CCDC30: variants seen among roughly 807,000 people sequenced by gnomAD.
CCDC30 encodes the protein coiled-coil domain-containing protein 30.
A neutral mutation model predicts 100.2 loss-of-function variants in CCDC30; 70 were observed. The ratio of observed to expected loss-of-function variants is 0.70; its 90% CI spans 0.58 to 0.85. The LOEUF is 0.85. Ranked by LOEUF, CCDC30 falls within the 40% of genes least tolerant of loss-of-function variation. CCDC30 has a pLI of 0.00. For synonymous variants in CCDC30, 233 were observed against 269.5 expected, an observed-to-expected ratio of 0.86 and a Z score of 1.33; for missense variants, 652 against 771.2, an observed-to-expected ratio of 0.85 and a Z score of 1.83.
chr1:42,546,402 ATATAT>A (rs1645140578), intron 6 of CCDC30, among the ~76,000 whole-genome samples: 2 of 25,772 alleles, frequency 7.8e-5, no homozygotes, highest in African/African-American at 2.1e-4. Flanking sequence ...AAAAAAAAAT[ATATAT>A]ATATATATAT....
intron 6 of CCDC30, among the ~76,000 whole-genome samples, chr1:42,556,692 T>G (rs1645377752): frequency 6.6e-6 from 1 of 152,154 alleles, no homozygotes; most frequent in Non-Finnish European, 1.5e-5. Flanking sequence ...GTGAGCAATA[T>G]TATAACCATG....
At chr1:42,460,999 G>C (rs577990432), upstream of CCDC30, among the ~76,000 whole-genome samples, 73 of 152,276 alleles carry the variant, frequency 4.8e-4, no homozygotes, top group African/African-American at 1.7e-3. Context: ...CCTACGTTTT[G>C]GGTTTGGAGT....
intron 6 of CCDC30, among the ~76,000 whole-genome samples, chr1:42,511,669 T>C (rs1025415087): frequency 6.6e-6 from 1 of 152,116 alleles, no homozygotes; most frequent in Admixed American, 6.5e-5. Flanking sequence ...AGAAGGGGCA[T>C]AGAGCCTGAT....
chr1:42,614,497 C>G (rs1646687445), intron 11 of CCDC30, among the ~76,000 whole-genome samples: 1 of 151,854 alleles, frequency 6.6e-6, no homozygotes, highest in South Asian at 2.1e-4. Flanking sequence ...AATGAAGATA[C>G]AGAACAGGGC....
intron 9 of CCDC30, among the ~76,000 whole-genome samples, chr1:42,586,790 A>T (rs1284941840): frequency 6.6e-6 from 1 of 152,220 alleles, no homozygotes; most frequent in Non-Finnish European, 1.5e-5. Context: ...AGAGGAAGTT[A>T]TATGATTAGT....
chr1:42,561,978 C>A lies in CCDC30; in HGVS notation c.457-4318C>A, dbSNP rs554090905. Among the ~76,000 whole-genome samples, 8 of 151,982 alleles carry A rather than the reference C, an allele frequency of 5.3e-5. No homozygotes were observed. In the South Asian group the frequency reaches 1.7e-3, roughly 32 times the overall value. On this transcript the variant is annotated intron_variant, in intron 6 of 16. Coordinates refer to ENST00000668663, the Ensembl canonical transcript of CCDC30. Reference sequence around the variant, plus strand: ...ACAAACAAATGGAAAAATGTTCCATCCTAACATCCTAATGGATAGGAAGAA... The same window carrying A: ...ACAAACAAATGGAAAAATGTTCCATACTAACATCCTAATGGATAGGAAGAA...
rs576135028 is a variant in CCDC30, at chr1:42,543,881, A to G, written c.457-22415A>G. The stretch of plus-strand genomic sequence containing the variant: ...CATAGGAAACCAAAGGGATCTCTTA[A>G]AGTAAACTTAAATTGATCTTTATAA... On this transcript the variant is annotated intron_variant, in intron 6 of 16. Coordinates refer to ENST00000668663, the Ensembl canonical transcript of CCDC30. 2.6e-5 allele frequency among the ~76,000 whole-genome samples: 4 copies of G among 152,344 alleles called. No homozygotes were observed. In the South Asian group the frequency reaches 8.3e-4, roughly 32 times the overall value.
Position 42,646,153 on chromosome 1 carries a change from G to T in CCDC30, c.1690G>T (p.Val564Phe), listed in dbSNP as rs753725207. 28 of 1,593,726 alleles carry T rather than the reference G, an allele frequency of 1.8e-5. 1 individual carries two copies. In the South Asian group the frequency reaches 2.4e-4, roughly 14 times the overall value. Residue 564 changes from valine to phenylalanine, a missense_variant, in exon 15 of 17, where the codon GTT becomes TTT. By Grantham distance (50) the Val-to-Phe change is conservative. Coordinates refer to ENST00000668663, the Ensembl canonical transcript of CCDC30. Reference sequence around the variant, plus strand: ...AACTTAGAATCTTAAGGAGTTTCCTGTTCCAAAATGGTGGCATAGAGGCAA... The same window carrying T: ...AACTTAGAATCTTAAGGAGTTTCCTTTTCCAAAATGGTGGCATAGAGGCAA...
Position 42,529,270 on chromosome 1 carries a change from G to A in CCDC30, c.456+30354G>A, listed in dbSNP as rs1432569926. On this transcript the variant is annotated intron_variant, in intron 6 of 16. Coordinates refer to ENST00000668663, the Ensembl canonical transcript of CCDC30. Reference sequence around the variant, plus strand: ...GGGCGGATCATAAGGTCAGGAGTTCGAGACCAACCTGGCCAACATGGTGAA... The same window carrying A: ...GGGCGGATCATAAGGTCAGGAGTTCAAGACCAACCTGGCCAACATGGTGAA... Among the ~76,000 whole-genome samples, 5 of 152,224 alleles carry A rather than the reference G, an allele frequency of 3.3e-5. No homozygotes were observed. The East Asian group carries it at 9.7e-4, about 29-fold the overall frequency.
intron 10 of CCDC30, among the ~76,000 whole-genome samples, chr1:42,604,183 C>A (rs1646460634): frequency 6.6e-6 from 1 of 152,122 alleles, no homozygotes; most frequent in Non-Finnish European, 1.5e-5. Flanking sequence ...CACTGCACCC[C>A]ACCCCAGCAT....
the CCDC30 span, chr1:42,457,297 C>A: frequency 6.2e-7 from 1 of 1,614,192 alleles, no homozygotes; most frequent in Non-Finnish European, 8.5e-7. Flanking sequence ...TTTCTATGTT[C>A]CTGTCTCTGA....
At chr1:42,513,046 A>G (rs1488290072) in intron 6 of CCDC30, among the ~76,000 whole-genome samples, 1 of 152,202 alleles carries the variant, frequency 6.6e-6, no homozygotes, top group Non-Finnish European at 1.5e-5. Context: ...TACCACTCTG[A>G]TGGTTATACC....
At chr1:42,586,566 A>G (rs894271274) in intron 9 of CCDC30, among the ~76,000 whole-genome samples, 1 of 152,066 alleles carries the variant, frequency 6.6e-6, no homozygotes, top group Non-Finnish European at 1.5e-5. Context: ...CAGACTCCCA[A>G]AGTGTTAGGA....
intron 10 of CCDC30, among the ~76,000 whole-genome samples, chr1:42,604,159 AGCTGTGACT>A (rs1235745287): frequency 2.6e-5 from 4 of 152,138 alleles, no homozygotes; most frequent in African/African-American, 9.7e-5. Context: ...GGCTGCACTG[AGCTGTGACT>A]GCACCACTGC....
At chr1:42,456,435 C>T in the CCDC30 span, 3 of 982,704 alleles carry the variant, frequency 3.1e-6, no homozygotes, top group African/African-American at 5.0e-5. Flanking sequence ...TTGGCGAGAT[C>T]GGGACCTAGT....
At chr1:42,557,674 A>ATAAAATATTTTATTTATATTAAATATAT in intron 6 of CCDC30, among the ~76,000 whole-genome samples, 2 of 147,620 alleles carry the variant, frequency 1.4e-5, no homozygotes, top group African/African-American at 4.9e-5. Context: ...AATATATTAA[A>ATAAAATATTTTATTTATATTAAATATAT]TAAAATATTT....
At chr1:42,568,952 A>G (rs1557862125) in intron 7 of CCDC30, 1 of 151,910 alleles carries the variant, frequency 6.6e-6, no homozygotes, top group Non-Finnish European at 1.5e-5. Context: ...CAAAAAAAAA[A>G]AAAAAAAATC....
exon 15 of CCDC30, chr1:42,646,263 T>C: frequency 1.3e-6 from 2 of 1,550,738 alleles, no homozygotes; most frequent in Non-Finnish European, 1.7e-6. Context: ...AACTCCAGCA[T>C]GAGGATGAGT....
Position 42,595,224 on chromosome 1 carries a change from T to C in CCDC30, c.1164+5741T>C, listed in dbSNP as rs566062668. ...AGGAATTTGGTAAGTCCACAAATGG[T>C]GGTCCTGGCAAAAGCGTTATGGACA... On this transcript the variant is annotated intron_variant, in intron 10 of 16. Coordinates refer to ENST00000668663, the Ensembl canonical transcript of CCDC30. 4 of 152,274 alleles carry C rather than the reference T, an allele frequency of 2.6e-5. No individual in the cohort carries two copies. The East Asian group carries it at 7.7e-4, about 29-fold the overall frequency. 9.4% of individuals were successfully genotyped at this position (152,274 alleles called of 1,614,324 possible). A position where few individuals can be genotyped will look rare whatever the true frequency, so the allele number is the denominator to read the frequency against.
Sources: gnomAD v4.1 joint callset for allele counts (sites outside exome capture counted in the v4.1 genomes callset) on GRCh38, gnomAD v4.1.1 for gene constraint, MANE v1.5 for transcripts, NCBI Gene and HGNC (gene_info 2026-07-23, HGNC 2026-07-21) for gene names.